OLFM3: variants seen among roughly 807,000 people sequenced by gnomAD.
OLFM3 encodes the protein olfactomedin 3.
OLFM3 carries 20 observed loss-of-function variants against 48.6 expected under a neutral mutation model. That is an observed-to-expected ratio of 0.41 (90% confidence interval 0.29 to 0.60). OLFM3 has a LOEUF of 0.60. Among genes scored for constraint, OLFM3 ranks in the 20% least tolerant of loss-of-function variants. OLFM3 has a pLI of 0.28. For missense variants in OLFM3, 437 were observed against 544.3 expected (o/e 0.80, Z 1.96); for synonymous variants, 222 against 198.1 (o/e 1.12, Z -1.01).
intron 1 of OLFM3, among the ~76,000 whole-genome samples, chr1:101,854,965 C>T (rs1416812839): frequency 6.6e-6 from 1 of 152,032 alleles, no homozygotes; most frequent in Non-Finnish European, 1.5e-5. Context: ...TTTGCCATCA[C>T]TATGCAAAAG....
At chr1:101,989,321 T>G (rs896066030) in intron 1 of OLFM3, among the ~76,000 whole-genome samples, 4 of 152,178 alleles carry the variant, frequency 2.6e-5, no homozygotes, top group Non-Finnish European at 5.9e-5. Context: ...CAAAAAAGAA[T>G]CAATGTTCTT....
intron 2 of OLFM3, among the ~76,000 whole-genome samples, chr1:101,832,665 A>G (rs1171498940): frequency 1.3e-5 from 2 of 152,214 alleles, no homozygotes; most frequent in Non-Finnish European, 2.9e-5. Flanking sequence ...AACCAGGCAC[A>G]GAGTAAGTGT....
intron 1 of OLFM3, among the ~76,000 whole-genome samples, chr1:101,933,438 C>A (rs370241359): frequency 4.6e-5 from 7 of 151,618 alleles, no homozygotes. Flanking sequence ...GAAGAATGAA[C>A]CAAACCTCCA....
At chr1:101,953,781 G>T (rs79415857) in intron 1 of OLFM3, among the ~76,000 whole-genome samples, 10,968 of 152,040 alleles carry the variant, frequency 0.072, 471 homozygotes, top group South Asian at 0.16. Context: ...CAGGATGCTG[G>T]GCCCAGCAGG....
At chr1:101,894,147 G>A (rs963977634) in intron 1 of OLFM3, 1 of 153,752 alleles carries the variant, frequency 6.5e-6, no homozygotes, top group Non-Finnish European at 1.5e-5. Context: ...TATTGTTTTG[G>A]TTTTACTATT....
chr1:101,835,422 C>G (rs1454944127), intron 2 of OLFM3, among the ~76,000 whole-genome samples: 1 of 152,210 alleles, frequency 6.6e-6, no homozygotes, highest in Non-Finnish European at 1.5e-5. Flanking sequence ...TCAAGAGATT[C>G]TCCTGCTTCA....
chr1:101,820,881 C>T (rs1399732046), intron 4 of OLFM3, among the ~76,000 whole-genome samples: 1 of 152,106 alleles, frequency 6.6e-6, no homozygotes. Flanking sequence ...CTACCCTCTA[C>T]TAATTGGCTG....
At chr1:101,972,611 C>T (rs961562576) in intron 1 of OLFM3, among the ~76,000 whole-genome samples, 2 of 152,172 alleles carry the variant, frequency 1.3e-5, no homozygotes, top group African/African-American at 4.8e-5. Context: ...TCTTAGATAA[C>T]ATTATAGACC....
chr1:101,844,149 C>T (rs1170398653), intron 1 of OLFM3, among the ~76,000 whole-genome samples: 1 of 152,140 alleles, frequency 6.6e-6, no homozygotes, highest in East Asian at 1.9e-4. Flanking sequence ...AGGAAGAATC[C>T]CCTAAGCAAA....
rs75152875 is a variant in OLFM3 at position 101,884,302 on chromosome 1, A to T, written c.70-47277T>A. Among the ~76,000 whole-genome samples, 424 of 152,166 alleles carry T rather than the reference A, an allele frequency of 2.8e-3. 1 individual carries two copies. The highest frequency in any genetic ancestry group is 9.7e-3 in the African/African-American group (402 of 41,554). On this transcript the variant is annotated intron_variant, in intron 1 of 5. Coordinates refer to ENST00000370103, the MANE Select transcript of OLFM3 (RefSeq NM_058170.4). ...CTGGATAATTTAGTGCCAGCAAAGGATGGTTTAATGTTTTCCCAAAGAGAT... is the reference window on the plus strand; with the variant it reads ...CTGGATAATTTAGTGCCAGCAAAGGTTGGTTTAATGTTTTCCCAAAGAGAT...
chr1:101,973,687 C>A (rs767010293), intron 1 of OLFM3, among the ~76,000 whole-genome samples: 1 of 151,918 alleles, frequency 6.6e-6, no homozygotes, highest in African/African-American at 2.4e-5. Context: ...AATTGGTCTT[C>A]CAGGCAAAAT....
At chr1:101,929,727 T>G (rs1659389885) in intron 1 of OLFM3, among the ~76,000 whole-genome samples, 1 of 152,272 alleles carries the variant, frequency 6.6e-6, no homozygotes, top group Admixed American at 6.5e-5. Flanking sequence ...TTATTTGAAA[T>G]ATCTAAAAAT....
At chr1:101,888,955 T>C (rs568714363) in intron 1 of OLFM3, among the ~76,000 whole-genome samples, 2,088 of 152,134 alleles carry the variant, frequency 0.014, 46 homozygotes, top group African/African-American at 0.047. Context: ...CAATGAGATA[T>C]CATCTCACAC....
At chr1:101,829,921 G>A (rs918392287) in intron 3 of OLFM3, among the ~76,000 whole-genome samples, 11 of 151,382 alleles carry the variant, frequency 7.3e-5, no homozygotes, top group Admixed American at 3.3e-4. Context: ...TGCAAGCTCC[G>A]CCTCCCAGGT....
In OLFM3 at chr1:101,843,931, C is replaced by T. The variant is rs11806004; in HGVS notation, c.70-6906G>A. ...ATTTCAAGACCTGCGTGTGCGTGTG[C>T]GTGTGGTATATTGCAAACTCATCCC... On this transcript the variant is annotated intron_variant, in intron 1 of 5. Coordinates refer to ENST00000370103, the MANE Select transcript of OLFM3 (RefSeq NM_058170.4). Among the ~76,000 whole-genome samples the T allele has an allele frequency of 3.2e-3, 481 of 152,080 alleles. 3 individuals carry two copies. The highest frequency in any genetic ancestry group is 0.011 in the African/African-American group (461 of 41,428).
At chr1:101,885,973 T>G (rs1170771431) in intron 1 of OLFM3, among the ~76,000 whole-genome samples, 1 of 152,134 alleles carries the variant, frequency 6.6e-6, no homozygotes, top group African/African-American at 2.4e-5. Context: ...CCAGTGTACA[T>G]GTATAGATAT....
rs376475556 is a variant in OLFM3, at chr1:101,919,589, C to T, written c.69+77159G>A. 1.6e-4 allele frequency among the ~76,000 whole-genome samples: 25 copies of T among 152,316 alleles called. No individual in the cohort carries two copies. In the East Asian group the frequency reaches 2.1e-3, roughly 13 times the overall value. The stretch of plus-strand genomic sequence containing the variant: ...TATTTCACCATTCAGTCCTCAGCCA[C>T]ATTTACCTCTCTTCTTTAACCCCTT... On this transcript the variant is annotated intron_variant, in intron 1 of 5. Transcript: ENST00000370103.
chr1:101,856,234 A>G (rs1326946167), intron 1 of OLFM3, among the ~76,000 whole-genome samples: 1 of 151,956 alleles, frequency 6.6e-6, no homozygotes, highest in African/African-American at 2.4e-5. Context: ...TCTGGTGTTG[A>G]AATAAGTCAG....
At chr1:101,843,189 G>T (rs1446628702) in intron 1 of OLFM3, among the ~76,000 whole-genome samples, 3 of 152,196 alleles carry the variant, frequency 2.0e-5, no homozygotes, top group African/African-American at 4.8e-5. Flanking sequence ...AGTTATTCAT[G>T]AGGAGAAGCC....
Sources: gnomAD v4.1 joint callset for allele counts (sites outside exome capture counted in the v4.1 genomes callset) on GRCh38, gnomAD v4.1.1 for gene constraint, MANE v1.5 for transcripts, NCBI Gene and HGNC (gene_info 2026-07-23, HGNC 2026-07-21) for gene names.